Variants in MCM9 observed in about 807,000 individuals in gnomAD.
MCM9 encodes the protein minichromosome maintenance 9 homologous recombination repair factor, also known as DNA helicase MCM9.
MCM9 carries 55 observed loss-of-function variants against 72.8 expected under a neutral mutation model. The ratio of observed to expected loss-of-function variants is 0.76; its 90% CI spans 0.61 to 0.95. MCM9 has a LOEUF of 0.95. Ranked by LOEUF, MCM9 falls within the 40% of genes least tolerant of loss-of-function variation. The probability of loss-of-function intolerance (pLI) is 0.00; values close to 1 mark genes in which losing one functional copy is unlikely to be tolerated. For synonymous variants in MCM9, 480 were observed against 503.4 expected (o/e 0.95, Z 0.62); for missense variants, 1,279 against 1,377.0 (o/e 0.93, Z 1.13).
chr6:118,826,760 T>C (rs1774195577), intron 12 of MCM9, 22 bp downstream of exon 12: 1 of 1,509,184 alleles, frequency 6.6e-7, no homozygotes, highest in African/African-American at 1.4e-5. Context: ...GGATAAAAAT[T>C]AGGTACACAA....
At chr6:118,905,667 C>T (rs746757982) in intron 8 of MCM9, 1 of 1,612,098 alleles carries the variant, frequency 6.2e-7, no homozygotes, top group Non-Finnish European at 8.5e-7. Context: ...TGCACCTAAT[C>T]CAGGACTCAT....
chr6:118,903,602 C>T (rs548425544), intron 8 of MCM9, among the ~76,000 whole-genome samples: 150 of 152,264 alleles, frequency 9.9e-4, no homozygotes, highest in South Asian at 8.7e-3. Context: ...TCTATTGATT[C>T]TACCTTCTGA....
intron 13 of MCM9, among the ~76,000 whole-genome samples, chr6:118,822,635 G>C (rs529272844): frequency 3.9e-5 from 6 of 152,288 alleles, no homozygotes; most frequent in African/African-American, 1.2e-4. Flanking sequence ...CCTTAGCAGA[G>C]TGTGCTGCTA....
intron 9 of MCM9, among the ~76,000 whole-genome samples, chr6:118,845,115 T>G (rs1193991045): frequency 1.3e-5 from 2 of 151,738 alleles, no homozygotes; most frequent in Admixed American, 6.6e-5. Flanking sequence ...TAGAGGGCAT[T>G]TGAAACGGAG....
intron 9 of MCM9, among the ~76,000 whole-genome samples, chr6:118,844,045 T>G (rs2114633825): frequency 6.6e-6 from 1 of 151,676 alleles, no homozygotes; most frequent in African/African-American, 2.4e-5. Flanking sequence ...GAGAAGTAGA[T>G]AAGGTTTTTC....
At chr6:118,889,772 C>T (rs1778827697) in intron 8 of MCM9, among the ~76,000 whole-genome samples, 1 of 152,096 alleles carries the variant, frequency 6.6e-6, no homozygotes, top group African/African-American at 2.4e-5. Flanking sequence ...AATTACAGTG[C>T]TTCAGAAAGC....
chr6:118,818,008 C>T (rs890853834), intron 13 of MCM9, among the ~76,000 whole-genome samples: 5 of 151,594 alleles, frequency 3.3e-5, no homozygotes, highest in Admixed American at 2.0e-4. Context: ...TTTTAAGTTC[C>T]TTGTAGATTC....
chr6:118,886,930 G>C (rs573378789), intron 8 of MCM9, among the ~76,000 whole-genome samples: 1 of 152,096 alleles, frequency 6.6e-6, no homozygotes, highest in Non-Finnish European at 1.5e-5. Flanking sequence ...GTGCCACTGT[G>C]CTCCAGCCTA....
chr6:118,859,001 C>T (rs1021735883), intron 8 of MCM9, among the ~76,000 whole-genome samples: 4 of 152,072 alleles, frequency 2.6e-5, no homozygotes, highest in African/African-American at 9.7e-5. Context: ...GCTTGGAGGT[C>T]TCACATGACA....
Position 118,826,735 on chromosome 6 carries a change from G to C in MCM9, c.1815+47C>G, listed in dbSNP as rs553590630. The C allele has an allele frequency of 3.1e-4, 438 of 1,404,638 alleles. 6 individuals carry two copies. In the South Asian group the frequency reaches 5.4e-3, roughly 17 times the overall value. The allele number at this position is 1,404,638 out of a possible 1,614,324, so 87.0% of individuals were successfully genotyped here. On this transcript the variant is annotated intron_variant, in intron 12 of 13. Coordinates refer to ENST00000619706, the MANE Select transcript of MCM9 (RefSeq NM_017696.3). ...ATAAAGTGTCCTTTTTTAAAAAAAA[G>C]AAAGTTTGTAATTAGGATAAAAATT...
intron 9 of MCM9, among the ~76,000 whole-genome samples, chr6:118,854,729 GTATT>G (rs1776450132): frequency 6.6e-6 from 1 of 152,156 alleles, no homozygotes; most frequent in South Asian, 2.1e-4. Flanking sequence ...TTATGAATGA[GTATT>G]TAATTTCATC....
At chr6:118,841,290 C>A (rs2114614715) in intron 9 of MCM9, among the ~76,000 whole-genome samples, 1 of 152,324 alleles carries the variant, frequency 6.6e-6, no homozygotes, top group South Asian at 2.1e-4. Flanking sequence ...ATCTGTTTCA[C>A]AGCCCATGCA....
chr6:118,863,485 A>C (rs1777031337), intron 8 of MCM9, among the ~76,000 whole-genome samples: 1 of 152,232 alleles, frequency 6.6e-6, no homozygotes, highest in Non-Finnish European at 1.5e-5. Flanking sequence ...AATAGGGACA[A>C]AGAACAAGGG....
intron 9 of MCM9, among the ~76,000 whole-genome samples, chr6:118,850,975 T>C (rs1423563677): frequency 6.6e-6 from 1 of 151,724 alleles, no homozygotes; most frequent in Non-Finnish European, 1.5e-5. Flanking sequence ...CACACCACTG[T>C]ACTTGGCTGT....
At chr6:118,891,646 C>A (rs1022799100) in intron 8 of MCM9, among the ~76,000 whole-genome samples, 1 of 152,170 alleles carries the variant, frequency 6.6e-6, no homozygotes, top group East Asian at 1.9e-4. Context: ...CCCCAATCAC[C>A]TCATTTAACT....
intron 8 of MCM9, among the ~76,000 whole-genome samples, chr6:118,867,407 C>A (rs999908154): frequency 2.6e-5 from 4 of 152,132 alleles, no homozygotes; most frequent in Non-Finnish European, 4.4e-5. Context: ...CTCCGTTAGT[C>A]ATATAAAAGT....
At chr6:118,831,224 C>A (rs952939832) in intron 9 of MCM9, among the ~76,000 whole-genome samples, 1 of 151,646 alleles carries the variant, frequency 6.6e-6, no homozygotes, top group Non-Finnish European at 1.5e-5. Context: ...CGGTGGTACA[C>A]ACCTGTGGTT....
intron 9 of MCM9, among the ~76,000 whole-genome samples, chr6:118,839,382 C>G (rs1775197066): frequency 6.6e-6 from 1 of 152,066 alleles, no homozygotes; most frequent in African/African-American, 2.4e-5. Flanking sequence ...GCTCCTTTAG[C>G]TCAGAGGAGT....
At chr6:118,839,501 G>A (rs565358149) in intron 9 of MCM9, among the ~76,000 whole-genome samples, 1 of 152,226 alleles carries the variant, frequency 6.6e-6, no homozygotes, top group Admixed American at 6.5e-5. Flanking sequence ...ATTTGAAGAG[G>A]CGTTCTGGTT....
Sources: gnomAD v4.1 joint callset for allele counts (sites outside exome capture counted in the v4.1 genomes callset) on GRCh38, gnomAD v4.1.1 for gene constraint, MANE v1.5 for transcripts, NCBI Gene and HGNC (gene_info 2026-07-23, HGNC 2026-07-21) for gene names.